Variants in SREK1IP1 observed in about 807,000 individuals in gnomAD.
The protein encoded by SREK1IP1 is SREK1 interacting protein 1.
Under a neutral mutation model 22.8 loss-of-function variants are expected in SREK1IP1, and 12 were observed. The observed-to-expected ratio is 0.53, with a 90% CI of 0.34 to 0.85. The LOEUF (loss-of-function observed/expected upper bound fraction) is 0.85, where lower values mean the gene tolerates loss of function less well. Ranked by LOEUF, SREK1IP1 falls within the 40% of genes least tolerant of loss-of-function variation. SREK1IP1 has a pLI of 0.02. For synonymous variants in SREK1IP1, 53 were observed against 52.7 expected (o/e 1.01, Z -0.02); for missense variants, 147 against 171.8 (o/e 0.86, Z 0.81).
chr5:64,750,767 C>G (rs1742727145), intron 2 of SREK1IP1, among the ~76,000 whole-genome samples: 1 of 152,216 alleles, frequency 6.6e-6, no homozygotes, highest in Non-Finnish European at 1.5e-5. Flanking sequence ...CTATTCTCAT[C>G]TAGTTTCTTC....
At chr5:64,735,799 C>G (rs1311690762) in intron 3 of SREK1IP1, among the ~76,000 whole-genome samples, 2 of 151,988 alleles carry the variant, frequency 1.3e-5, no homozygotes, top group East Asian at 3.9e-4. Flanking sequence ...GTTTATGGAC[C>G]TTCTCAAATA....
intron 2 of SREK1IP1, among the ~76,000 whole-genome samples, chr5:64,745,878 T>C (rs1030569669): frequency 1.1e-4 from 17 of 152,036 alleles, no homozygotes; most frequent in African/African-American, 4.1e-4. Context: ...GTGTTGCAAA[T>C]TACAGTTCTT....
rs913842189 is a variant in SREK1IP1 at position 64,729,895 on chromosome 5, T to C, written c.206-1716A>G. ...CTAAAAGACCTGTTTGACATCCAAG[T>C]AGGTAACTGAAGTAGGTAGTTTGGT... On this transcript the variant is annotated intron_variant, in intron 3 of 4. Transcript: ENST00000513458. Among the ~76,000 whole-genome samples the C allele has an allele frequency of 4.5e-4, 68 of 152,310 alleles. 1 individual carries two copies. The highest frequency in any genetic ancestry group is 4.1e-3 in the Admixed American group (63 of 15,296).
intron 2 of SREK1IP1, among the ~76,000 whole-genome samples, chr5:64,746,806 A>T (rs919269923): frequency 6.6e-6 from 1 of 152,160 alleles, no homozygotes; most frequent in African/African-American, 2.4e-5. Flanking sequence ...AGCACAAGTT[A>T]AGGGCTCAGA....
intron 2 of SREK1IP1, among the ~76,000 whole-genome samples, chr5:64,750,579 C>T (rs547513605): frequency 3.9e-4 from 60 of 152,254 alleles, no homozygotes; most frequent in African/African-American, 1.4e-3. Context: ...ACTTCCTCTC[C>T]TACTTCCCTC....
rs145547288 is a variant in SREK1IP1, at chr5:64,738,166, A to G, written c.205+2891T>C. 2.3e-3 allele frequency among the ~76,000 whole-genome samples: 347 copies of G among 152,322 alleles called. 3 individuals are homozygous for G. Among genetic ancestry groups the G allele is most frequent in the African/African-American group, 7.9e-3 (330 of 41,582 alleles). On this transcript the variant is annotated intron_variant, in intron 3 of 4. Coordinates refer to ENST00000513458, the MANE Select transcript of SREK1IP1 (RefSeq NM_173829.4). ...TACACCTGATGAACATATATGCAAC[A>G]ATCTTCAGCAAAATTCTAGCAAACC...
intron 1 of SREK1IP1, among the ~76,000 whole-genome samples, chr5:64,763,949 C>A (rs2112118694): frequency 6.6e-6 from 1 of 152,244 alleles, no homozygotes; most frequent in South Asian, 2.1e-4. Flanking sequence ...TACTTTGAAG[C>A]ATTATTTTGA....
At chr5:64,759,040 GT>G (rs1328856118) in intron 1 of SREK1IP1, among the ~76,000 whole-genome samples, 1 of 152,204 alleles carries the variant, frequency 6.6e-6, no homozygotes, top group African/African-American at 2.4e-5. Context: ...ACACAATAAA[GT>G]GGGGAAAGTT....
rs1452476302 is a variant in SREK1IP1, at chr5:64,723,471, G to A, written c.*913C>T. 6.6e-6 allele frequency: 1 copy of A among 152,472 alleles called. No homozygotes were observed. The highest frequency in any genetic ancestry group is 2.4e-5 in the African/African-American group (1 of 41,432). 9.4% of individuals were successfully genotyped at this position (152,472 alleles called of 1,614,324 possible). A position where few individuals can be genotyped will look rare whatever the true frequency, so the allele number is the denominator to read the frequency against. On this transcript the variant is annotated 3_prime_UTR_variant, in exon 5 of 5. Transcript: ENST00000513458. ...TATAAAATTTTCCACAGTACTCATA[G>A]AAACAAGCTTCATAAAATTTATACT...
intron 1 of SREK1IP1, among the ~76,000 whole-genome samples, chr5:64,761,962 A>C (rs1397758037): frequency 6.6e-6 from 1 of 152,212 alleles, no homozygotes; most frequent in Admixed American, 6.5e-5. Context: ...AAATAAAAGG[A>C]CTGAGAAAAA....
intron 1 of SREK1IP1, among the ~76,000 whole-genome samples, chr5:64,757,931 G>A (rs1315398652): frequency 4.2e-5 from 6 of 142,186 alleles, no homozygotes; most frequent in African/African-American, 8.0e-5. Flanking sequence ...GTGCAGTGGC[G>A]TGATCTCAGC....
At chr5:64,744,575 T>C (rs552800496) in intron 2 of SREK1IP1, among the ~76,000 whole-genome samples, 58 of 152,336 alleles carry the variant, frequency 3.8e-4, no homozygotes, top group Middle Eastern at 3.4e-3. Flanking sequence ...TTGGGTAATA[T>C]GAAATTGCCA....
intron 1 of SREK1IP1, 145 bp downstream of exon 1, chr5:64,768,360 T>G: frequency 9.7e-7 from 1 of 1,034,318 alleles, no homozygotes. Context: ...TGTAAACTTT[T>G]TCATGTAAAC....
chr5:64,727,445 A>G (rs1304053382), intron 4 of SREK1IP1, among the ~76,000 whole-genome samples: 1 of 110,540 alleles, frequency 9.0e-6, no homozygotes, highest in East Asian at 2.5e-4. Context: ...CACAACCCTC[A>G]TCAGCCACCA....
chr5:64,724,868 T>C (rs953653005), intron 4 of SREK1IP1, among the ~76,000 whole-genome samples: 1 of 152,162 alleles, frequency 6.6e-6, no homozygotes. Flanking sequence ...CATGCAGTCA[T>C]ATCATTCAAA....
At chr5:64,746,998 C>T (rs755569991) in intron 2 of SREK1IP1, among the ~76,000 whole-genome samples, 2 of 152,136 alleles carry the variant, frequency 1.3e-5, no homozygotes, top group African/African-American at 2.4e-5. Context: ...TATTATATAG[C>T]ACGGAACTCA....
intron 2 of SREK1IP1, among the ~76,000 whole-genome samples, chr5:64,750,485 C>T (rs1742722872): frequency 6.6e-6 from 1 of 152,190 alleles, no homozygotes; most frequent in Non-Finnish European, 1.5e-5. Context: ...CACTCCCCCA[C>T]CACCTCACAG....
chr5:64,757,034 A>G (rs2112110816), intron 1 of SREK1IP1, among the ~76,000 whole-genome samples: 1 of 152,354 alleles, frequency 6.6e-6, no homozygotes, highest in African/African-American at 2.4e-5. Context: ...AAAAACAAAT[A>G]TAATTTTAAA....
chr5:64,764,491 G>C (rs1276123325), intron 1 of SREK1IP1, among the ~76,000 whole-genome samples: 1 of 152,194 alleles, frequency 6.6e-6, no homozygotes, highest in Non-Finnish European at 1.5e-5. Context: ...ATTTTTGCAG[G>C]ATTGTAGAAT....
Sources: gnomAD v4.1 joint callset for allele counts (sites outside exome capture counted in the v4.1 genomes callset) on GRCh38, gnomAD v4.1.1 for gene constraint, MANE v1.5 for transcripts, NCBI Gene and HGNC (gene_info 2026-07-23, HGNC 2026-07-21) for gene names.